The following GABRG3 variants were observed in gnomAD, a reference collection of about 807,000 sequenced individuals.
GABRG3 encodes gamma-aminobutyric acid type A receptor subunit gamma3, also known as gamma-aminobutyric acid receptor subunit gamma-3.
GABRG3 carries 25 observed loss-of-function variants against 48.8 expected under a neutral mutation model. The ratio of observed to expected loss-of-function variants is 0.51; its 90% CI spans 0.37 to 0.72. The LOEUF (loss-of-function observed/expected upper bound fraction) is 0.72. GABRG3 is among the 30% of genes least tolerant of loss of function. The pLI is 0.00. For synonymous variants in GABRG3, 227 were observed against 217.6 expected (o/e 1.04, Z -0.38); for missense variants, 394 against 577.9 (o/e 0.68, Z 3.26).
rs575784743 is a variant in GABRG3 at position 27,420,501 on chromosome 15, C to T, written c.575-60149C>T. ...ATGGTTAGTAATGCCTATTCCACAC[C>T]GGGAATTTGCTAAGAGAGTAGATCT... On this transcript the variant is annotated intron_variant, in intron 5 of 9. Coordinates refer to ENST00000615808, the MANE Select transcript of GABRG3 (RefSeq NM_033223.5). Among the ~76,000 whole-genome samples the T allele has an allele frequency of 7.9e-5, 12 of 152,116 alleles. No homozygotes were observed. The South Asian group carries it at 1.5e-3, about 18-fold the overall frequency.
chr15:27,360,493 A>T (rs1027259044), intron 5 of GABRG3, among the ~76,000 whole-genome samples: 4 of 152,110 alleles, frequency 2.6e-5, no homozygotes, highest in Non-Finnish European at 4.4e-5. Flanking sequence ...ACTGCAGGAG[A>T]TGGAGATTTT....
At chr15:27,429,781 A>G (rs1247385522) in intron 5 of GABRG3, among the ~76,000 whole-genome samples, 2 of 152,234 alleles carry the variant, frequency 1.3e-5, no homozygotes, top group South Asian at 2.1e-4. Flanking sequence ...ATTCCATCGC[A>G]TGGATATACC....
In GABRG3 at chr15:27,110,525, C is replaced by CT. The variant is rs531289454; in HGVS notation, c.270+83715dup. On this transcript the variant is annotated intron_variant, in intron 3 of 9. Coordinates refer to ENST00000615808, the MANE Select transcript of GABRG3 (RefSeq NM_033223.5). The stretch of plus-strand genomic sequence containing the variant: ...GACCTATGTAATTCTGCTTGTAGAA[C>CT]TTTTTTTTTTTAACATATTTTTTGT... Among the ~76,000 whole-genome samples the CT allele has an allele frequency of 4.6e-3, 673 of 146,726 alleles. 6 individuals are homozygous for CT. The highest frequency in any genetic ancestry group is 0.018 in the Middle Eastern group (5 of 282).
chr15:27,043,774 C>A (rs1896317343), intron 3 of GABRG3, among the ~76,000 whole-genome samples: 2 of 152,168 alleles, frequency 1.3e-5, no homozygotes, highest in Admixed American at 1.3e-4. Flanking sequence ...CATTTTTTAC[C>A]TCGCAGTTTA....
intron 3 of GABRG3, among the ~76,000 whole-genome samples, chr15:27,097,146 C>T (rs1322276185): frequency 6.6e-6 from 1 of 152,082 alleles, no homozygotes; most frequent in Non-Finnish European, 1.5e-5. Context: ...GCCACCGCGC[C>T]TGGCCTTGAA....
intron 3 of GABRG3, among the ~76,000 whole-genome samples, chr15:27,312,892 G>T (rs1398918692): frequency 2.6e-5 from 4 of 151,312 alleles, no homozygotes; most frequent in African/African-American, 9.7e-5. Flanking sequence ...AATAATGGTA[G>T]GTAAATCACT....
At chr15:26,983,844 TCTAC>T (rs1895100067) in intron 2 of GABRG3, among the ~76,000 whole-genome samples, 1 of 152,184 alleles carries the variant, frequency 6.6e-6, no homozygotes, top group African/African-American at 2.4e-5. Flanking sequence ...CTGTTTCTTT[TCTAC>T]TTCTCCACTA....
At chr15:27,042,741 C>G (rs1265131334) in intron 3 of GABRG3, among the ~76,000 whole-genome samples, 1 of 152,230 alleles carries the variant, frequency 6.6e-6, no homozygotes, top group Non-Finnish European at 1.5e-5. Flanking sequence ...TGGTGCTGCT[C>G]CCTCCCATGG....
At chr15:27,389,681 C>T (rs1480081789) in intron 5 of GABRG3, among the ~76,000 whole-genome samples, 4 of 152,112 alleles carry the variant, frequency 2.6e-5, no homozygotes, top group South Asian at 2.1e-4. Flanking sequence ...CAGAACAATC[C>T]GTCACAGCTA....
At chr15:27,452,960 T>C (rs1262166332) in intron 5 of GABRG3, among the ~76,000 whole-genome samples, 1 of 152,190 alleles carries the variant, frequency 6.6e-6, no homozygotes, top group African/African-American at 2.4e-5. Flanking sequence ...CTATTCAGTC[T>C]TAAAAAGGAA....
At chr15:27,373,053 AG>A (rs1895466728) in intron 5 of GABRG3, among the ~76,000 whole-genome samples, 1 of 151,354 alleles carries the variant, frequency 6.6e-6, no homozygotes, top group Admixed American at 6.6e-5. Context: ...TAAAAGAGAC[AG>A]CACGCAAATG....
At chr15:27,323,056 C>T (rs1037909650) in intron 3 of GABRG3, among the ~76,000 whole-genome samples, 1 of 152,016 alleles carries the variant, frequency 6.6e-6, no homozygotes, top group Non-Finnish European at 1.5e-5. Context: ...GGGGAAGGGG[C>T]ACAAACTGCT....
intron 5 of GABRG3, among the ~76,000 whole-genome samples, chr15:27,466,287 C>G (rs550771264): frequency 6.6e-6 from 1 of 152,306 alleles, no homozygotes; most frequent in South Asian, 2.1e-4. Flanking sequence ...GAGCCTCCTA[C>G]CCCCAACAGT....
chr15:27,365,515 G>A (rs991982992), intron 5 of GABRG3: 1 of 152,198 alleles, frequency 6.6e-6, no homozygotes, highest in African/African-American at 2.4e-5. Flanking sequence ...GGATTTTCTT[G>A]ATGTTTCCTC....
intron 3 of GABRG3, among the ~76,000 whole-genome samples, chr15:27,108,653 T>A (rs1897492225): frequency 6.6e-6 from 1 of 152,338 alleles, no homozygotes; most frequent in South Asian, 2.1e-4. Context: ...CTGCTTTGTC[T>A]GTCAGTTAAT....
chr15:27,057,174 G>A (rs1896563017), intron 3 of GABRG3, among the ~76,000 whole-genome samples: 1 of 152,068 alleles, frequency 6.6e-6, no homozygotes, highest in Non-Finnish European at 1.5e-5. Flanking sequence ...TTTTTAGCTG[G>A]TGGTTTTTTC....
intron 3 of GABRG3, among the ~76,000 whole-genome samples, chr15:27,109,427 T>C (rs778523161): frequency 1.3e-5 from 2 of 152,224 alleles, no homozygotes; most frequent in Non-Finnish European, 2.9e-5. Flanking sequence ...ATGTATCTAC[T>C]GTTACAGTAT....
chr15:27,120,638 C>T (rs529740458), intron 3 of GABRG3, among the ~76,000 whole-genome samples: 3 of 152,148 alleles, frequency 2.0e-5, no homozygotes, highest in East Asian at 1.9e-4. Flanking sequence ...TGTCTATAGG[C>T]GCTCCTGGAC....
chr15:27,130,251 C>T (rs1429364906), intron 3 of GABRG3, among the ~76,000 whole-genome samples: 3 of 151,830 alleles, frequency 2.0e-5, no homozygotes, highest in Non-Finnish European at 4.4e-5. Flanking sequence ...AAAGTCCCAA[C>T]TTCATTCTTT....
Sources: allele counts gnomAD v4.1 joint callset (sites outside exome capture counted in the v4.1 genomes callset), GRCh38; gene constraint gnomAD v4.1.1; transcripts MANE v1.5; gene names NCBI Gene and HGNC (gene_info 2026-07-23, HGNC 2026-07-21).